ZFP90: variants seen among roughly 807,000 people sequenced by gnomAD.
The protein encoded by ZFP90 is zinc finger protein 90 homolog.
ZFP90 carries 38 observed loss-of-function variants against 60.8 expected under a neutral mutation model. That is an observed-to-expected ratio of 0.62 (90% CI 0.48 to 0.82). The LOEUF (loss-of-function observed/expected upper bound fraction) is 0.82, where lower values mean the gene tolerates loss of function less well. Among genes scored for constraint, ZFP90 ranks in the 40% least tolerant of loss-of-function variants. The probability of loss-of-function intolerance (pLI) is 0.00; values close to 1 mark genes in which losing one functional copy is unlikely to be tolerated. For synonymous variants in ZFP90, 287 were observed against 264.8 expected (o/e 1.08, Z -0.82); for missense variants, 711 against 759.1 (o/e 0.94, Z 0.74).
downstream of ZFP90, among the ~76,000 whole-genome samples, chr16:68,570,160 A>T (rs1469093684): frequency 6.6e-6 from 1 of 151,998 alleles, no homozygotes; most frequent in African/African-American, 2.4e-5. Flanking sequence ...CTCATCTCTA[A>T]TTCCTCTTCT....
chr16:68,544,937 T>G (rs1597719233), intron 2 of ZFP90, among the ~76,000 whole-genome samples: 1 of 135,532 alleles, frequency 7.4e-6, no homozygotes, highest in East Asian at 2.3e-4. Flanking sequence ...TGAAGTGCAG[T>G]GGCGTGATTT....
Position 68,564,972 on chromosome 16 carries a change from A to G in ZFP90, c.*274A>G, listed in dbSNP as rs888884252. 1.2e-5 allele frequency: 14 copies of G among 1,141,792 alleles called. No individual in the cohort carries two copies. In the African/African-American group the frequency reaches 2.1e-4, roughly 17 times the overall value. The allele number at this position is 1,141,792 out of a possible 1,614,324, so 70.7% of individuals were successfully genotyped here. A position where few individuals can be genotyped will look rare whatever the true frequency, so the allele number is the denominator to read the frequency against. ...ACTTTGCTTTTGAATATATGTATGC[A>G]GGATATCATCAAGTTTCAACATCTT... On this transcript the variant is annotated 3_prime_UTR_variant, in exon 5 of 5. Transcript: ENST00000563169.
chr16:68,552,767 A>G (rs986088547), intron 2 of ZFP90, among the ~76,000 whole-genome samples: 1 of 152,110 alleles, frequency 6.6e-6, no homozygotes, highest in African/African-American at 2.4e-5. Context: ...TTTATTAAAT[A>G]TTTGTGGATG....
intron 2 of ZFP90, chr16:68,557,232 G>C (rs1244570434): frequency 2.2e-6 from 1 of 455,746 alleles, no homozygotes; most frequent in Non-Finnish European, 4.4e-6. Flanking sequence ...CTGTAACAAA[G>C]GAAGTGAACC....
At chr16:68,536,022 T>A (rs2090958040), upstream of ZFP90, among the ~76,000 whole-genome samples, 1 of 152,132 alleles carries the variant, frequency 6.6e-6, no homozygotes, top group African/African-American at 2.4e-5. Flanking sequence ...TTCCATAGCC[T>A]CTTACTATTG....
intron 2 of ZFP90, among the ~76,000 whole-genome samples, chr16:68,575,543 A>G (rs1253707650): frequency 6.6e-6 from 1 of 151,100 alleles, no homozygotes; most frequent in African/African-American, 2.4e-5. Context: ...TGCAAAAAAA[A>G]AAAAAAAAAA....
In ZFP90 at chr16:68,557,908, A is replaced by G. The variant is rs539775784; in HGVS notation, c.34-90A>G. ...TCAATCTAACAAATGTGTGATCACCACTTCTGATAGCTCCTGCAGTATGTT... is the reference window on the plus strand; with the variant it reads ...TCAATCTAACAAATGTGTGATCACCGCTTCTGATAGCTCCTGCAGTATGTT... On this transcript the variant is annotated intron_variant, in intron 2 of 4. Coordinates refer to ENST00000563169, the MANE Select transcript of ZFP90 (RefSeq NM_001305203.2). 20 of 1,552,476 alleles carry G rather than the reference A, an allele frequency of 1.3e-5. No individual in the cohort carries two copies. The East Asian group carries it at 1.8e-4, about 14-fold the overall frequency.
intron 2 of ZFP90, chr16:68,557,330 A>C: frequency 4.4e-6 from 2 of 451,422 alleles, no homozygotes; most frequent in Non-Finnish European, 9.0e-6. Flanking sequence ...TTTTATTATT[A>C]ATACGGCGAG....
At chr16:68,569,136 C>CTTTCTTTT (rs2091553959), downstream of ZFP90, among the ~76,000 whole-genome samples, 17 of 123,038 alleles carry the variant, frequency 1.4e-4, no homozygotes, top group South Asian at 2.3e-3. Flanking sequence ...ATTAGTCCCA[C>CTTTCTTTT]TTTTTTTTTT....
chr16:68,537,825 A>G (rs2090973338), upstream of ZFP90, among the ~76,000 whole-genome samples: 1 of 151,908 alleles, frequency 6.6e-6, no homozygotes, highest in African/African-American at 2.4e-5. Flanking sequence ...TCCCTGTGCT[A>G]TTGACGTGTT....
chr16:68,563,067 A>G lies in ZFP90; in HGVS notation c.280A>G (p.Lys94Glu), dbSNP rs1037539032. ...YPDWKTRPEV[K>E]SSHLQQDVSE... ...AGACTGGAAGACCAGGCCTGAAGTC[A>G]AATCATCACATTTGCAGCAGGATGT... The change falls in exon 5 of 5, where the codon AAA becomes GAA. Residue 94 changes from lysine to glutamate, a missense_variant. Physicochemically the swap from Lys to Glu is moderately conservative, Grantham distance 56 (BLOSUM62 1). Around this residue, in one of 5 missense-constraint regions of ZFP90, gnomAD observed 241 missense variants for 247.6 expected, o/e 0.97. Coordinates refer to ENST00000563169, the MANE Select transcript of ZFP90 (RefSeq NM_001305203.2). 34 of 1,614,066 alleles carry G rather than the reference A, an allele frequency of 2.1e-5. No homozygotes were observed. Among genetic ancestry groups the G allele is most frequent in the Non-Finnish European group, 2.8e-5 (33 of 1,180,036 alleles).
chr16:68,542,053 A>C (rs909077186), intron 2 of ZFP90, among the ~76,000 whole-genome samples: 2 of 152,140 alleles, frequency 1.3e-5, no homozygotes, highest in Non-Finnish European at 2.9e-5. Context: ...TTCAGGCAGA[A>C]ATTTCCCTTT....
At chr16:68,550,613 T>C (rs564725102) in intron 2 of ZFP90, among the ~76,000 whole-genome samples, 2 of 152,352 alleles carry the variant, frequency 1.3e-5, no homozygotes, top group East Asian at 1.9e-4. Flanking sequence ...AGTGTGACTT[T>C]TAAGTTTGTC....
At chr16:68,560,031 T>C (rs1355058398) in intron 4 of ZFP90, among the ~76,000 whole-genome samples, 1 of 152,146 alleles carries the variant, frequency 6.6e-6, no homozygotes, top group Non-Finnish European at 1.5e-5. Flanking sequence ...ACTGCTGAGG[T>C]CCCAGATTTA....
At chr16:68,551,329 A>G (rs1202887785) in intron 2 of ZFP90, among the ~76,000 whole-genome samples, 2 of 151,262 alleles carry the variant, frequency 1.3e-5, no homozygotes, top group Non-Finnish European at 2.9e-5. Flanking sequence ...TCAACTTAGT[A>G]TATGCTGTTC....
chr16:68,540,333 A>G (rs947235481), intron 2 of ZFP90, among the ~76,000 whole-genome samples: 1 of 152,252 alleles, frequency 6.6e-6, no homozygotes, highest in African/African-American at 2.4e-5. Context: ...AAAACAAAAT[A>G]AAAAACAACC....
chr16:68,536,469 C>T (rs575905087), upstream of ZFP90, among the ~76,000 whole-genome samples: 1 of 151,994 alleles, frequency 6.6e-6, no homozygotes, highest in Non-Finnish European at 1.5e-5. Context: ...CCACACCTGG[C>T]ATTATTATTA....
At chr16:68,537,146 G>A (rs1030181079), upstream of ZFP90, among the ~76,000 whole-genome samples, 1 of 148,890 alleles carries the variant, frequency 6.7e-6, no homozygotes, top group African/African-American at 2.5e-5. Context: ...TTTTTTTTGA[G>A]ACAGAGTCTC....
intron 4 of ZFP90, chr16:68,562,815 C>T: frequency 4.4e-6 from 4 of 912,474 alleles, no homozygotes; most frequent in Non-Finnish European, 4.8e-6. Flanking sequence ...AACCAACCCT[C>T]CTAGATGGGC....
Sources: allele counts gnomAD v4.1 joint callset (sites outside exome capture counted in the v4.1 genomes callset), GRCh38; gene constraint gnomAD v4.1.1; regional missense constraint gnomAD v4.1.1; transcripts MANE v1.5; gene names NCBI Gene and HGNC (gene_info 2026-07-23, HGNC 2026-07-21).